HSDL1: variants seen among roughly 807,000 people sequenced by gnomAD.
HSDL1 encodes hydroxysteroid dehydrogenase like 1.
HSDL1 carries 29 observed loss-of-function variants against 31.5 expected under a neutral mutation model. That is an observed-to-expected ratio of 0.92 (90% CI 0.69 to 1.26). The LOEUF (loss-of-function observed/expected upper bound fraction) is 1.26, where lower values mean the gene tolerates loss of function less well. Ranked by LOEUF, HSDL1 falls within the 50% of genes most tolerant of loss-of-function variation. HSDL1 has a pLI of 0.00. For missense variants in HSDL1, 503 were observed against 416.6 expected (o/e 1.21, Z -1.81); for synonymous variants, 222 against 155.2 (o/e 1.43, Z -3.20).
In HSDL1 at chr16:84,141,228, TA is replaced by T. The variant is rs1322777683; in HGVS notation, c.-69+3851del. 1.5e-4 allele frequency among the ~76,000 whole-genome samples: 6 copies of T among 40,226 alleles called. No individual in the cohort carries two copies. In the African/African-American group the frequency reaches 2.1e-3, roughly 14 times the overall value. The allele number at this position is 40,226 out of a possible 152,430, so 26.4% of individuals were successfully genotyped here. A position where few individuals can be genotyped will look rare whatever the true frequency, so the allele number is the denominator to read the frequency against. ...CGAGACTCATCCATGCCCCTGCAGCTATATAGTCCATCCTCCTCGGCAGCTG... is the reference window on the plus strand; with the variant it reads ...CGAGACTCATCCATGCCCCTGCAGCTTATAGTCCATCCTCCTCGGCAGCTG... On this transcript the variant is annotated intron_variant, in intron 1 of 5. Coordinates refer to ENST00000219439, the MANE Select transcript of HSDL1 (RefSeq NM_031463.5).
intron 2 of HSDL1, among the ~76,000 whole-genome samples, chr16:84,135,143 G>C (rs952490694): frequency 6.6e-6 from 1 of 151,888 alleles, no homozygotes; most frequent in Non-Finnish European, 1.5e-5. Flanking sequence ...TGAGGCAGGA[G>C]AATGGCATGA....
intron 5 of HSDL1, among the ~76,000 whole-genome samples, chr16:84,126,449 G>C (rs754494978): frequency 2.0e-5 from 3 of 152,108 alleles, no homozygotes; most frequent in Non-Finnish European, 2.9e-5. Context: ...GGAGGCCCAG[G>C]ATGGTGTTCA....
chr16:84,136,065 C>A (rs117678542), intron 1 of HSDL1, among the ~76,000 whole-genome samples: 5,274 of 152,322 alleles, frequency 0.035, 149 homozygotes, highest in Middle Eastern at 0.075. Context: ...CACACCCCTT[C>A]TTCAGCTCCA....
At chr16:84,128,243 C>A (rs1257622785) in intron 5 of HSDL1, among the ~76,000 whole-genome samples, 1 of 151,206 alleles carries the variant, frequency 6.6e-6, no homozygotes, top group African/African-American at 2.4e-5. Context: ...GAGCCAAGAT[C>A]GCACCATTAC....
rs774260273 is a variant in HSDL1 at position 84,130,066 on chromosome 16, T to G, written c.586A>C (p.Lys196Gln). Residue 196 changes from lysine to glutamine, a missense_variant, in exon 4 of 6, where the codon AAG (lysine) becomes CAG (glutamine). Transcript: ENST00000219439. ...GAGATCGTGACGATGGCACCTTTCT[T>G]TCTCTCCACCATTCCCGGTAACACA... ...HVVLPGMVERKKGAIVTISSG... is the reference protein window; with the variant it reads ...HVVLPGMVERQKGAIVTISSG... 2 of 1,614,168 alleles carry G rather than the reference T, an allele frequency of 1.2e-6. No homozygotes were observed. The highest frequency in any genetic ancestry group is 2.7e-5 in the African/African-American group (2 of 75,038).
rs189336569 is a variant in HSDL1, at chr16:84,125,694, G to A, written c.895-966C>T. On this transcript the variant is annotated intron_variant, in intron 5 of 5. Coordinates refer to ENST00000219439, the MANE Select transcript of HSDL1 (RefSeq NM_031463.5). Reference sequence around the variant, plus strand: ...CTTACCCTAGATTCTACATGGAACAGAAACATGACCACCACCCACCTACCC... The same window carrying A: ...CTTACCCTAGATTCTACATGGAACAAAAACATGACCACCACCCACCTACCC... 7.6e-3 allele frequency among the ~76,000 whole-genome samples: 1,158 copies of A among 152,332 alleles called. 21 individuals carry two copies. The highest frequency in any genetic ancestry group is 7.8e-3 in the Non-Finnish European group (531 of 68,026).
chr16:84,144,072 C>T (rs1443115093), intron 1 of HSDL1, among the ~76,000 whole-genome samples: 8 of 149,012 alleles, frequency 5.4e-5, no homozygotes, highest in Admixed American at 4.7e-4. Context: ...CTCCCTCCCT[C>T]CCTCTCTCTC....
intron 1 of HSDL1, among the ~76,000 whole-genome samples, chr16:84,140,095 C>T (rs1417071532): frequency 6.6e-6 from 1 of 152,092 alleles, no homozygotes; most frequent in East Asian, 1.9e-4. Flanking sequence ...GGCACTGCCC[C>T]CACCTCTGAA....
intron 5 of HSDL1, among the ~76,000 whole-genome samples, chr16:84,125,687 TG>T (rs2086599408): frequency 6.6e-6 from 1 of 152,254 alleles, no homozygotes; most frequent in Admixed American, 6.5e-5. Flanking sequence ...AGATTCTACA[TG>T]GAACAGAAAC....
chr16:84,124,798 A>C (rs2086586758), intron 5 of HSDL1, 70 bp from the exon 6 acceptor site: 2 of 1,012,316 alleles, frequency 2.0e-6, no homozygotes, highest in South Asian at 2.7e-5. Flanking sequence ...AAGTACACAG[A>C]CCAGCACATG....
chr16:84,137,606 C>A (rs573359671), intron 1 of HSDL1, among the ~76,000 whole-genome samples: 2 of 152,214 alleles, frequency 1.3e-5, no homozygotes, highest in African/African-American at 4.8e-5. Flanking sequence ...TGCTCCTCAG[C>A]CTTGCCAGAC....
chr16:84,142,629 G>C (rs924702435), intron 1 of HSDL1, among the ~76,000 whole-genome samples: 8 of 151,462 alleles, frequency 5.3e-5, no homozygotes, highest in African/African-American at 1.9e-4. Context: ...TTTTTTAGTA[G>C]AGACGGGGGT....
At position 84,131,272 on chromosome 16, in the gene HSDL1, G is replaced by C. The variant is rs1597374901; in HGVS notation, c.50C>G (p.Ser17Cys). ...TAGAGCTTCCATATAGCAATTGCAA[G>C]ACCTGGCGATTTCCCTGTACAAGAG... ...FYLLYREIAR[S>C]CNCYMEALAL... Residue 17 changes from serine (S) to cysteine (C), a missense_variant, in exon 3 of 6, where the codon TCT (serine) becomes TGT (cysteine). Coordinates refer to ENST00000219439, the MANE Select transcript of HSDL1 (RefSeq NM_031463.5). 1.2e-6 allele frequency: 2 copies of C among 1,614,154 alleles called. No homozygotes were observed. The highest frequency in any genetic ancestry group is 4.5e-5 in the East Asian group (2 of 44,884).
rs2086661122 is a variant in HSDL1 at position 84,131,210 on chromosome 16, T to C, written c.112A>G (p.Ile38Val). Residue 38 changes from isoleucine (I) to valine (V), a missense_variant, in exon 3 of 6, where the codon ATC becomes GTC. Ile to Val is a conservative substitution (Grantham distance 29, BLOSUM62 3). Coordinates refer to ENST00000219439, the MANE Select transcript of HSDL1 (RefSeq NM_031463.5). ...CTGTAAAAGTCACAGATGACAGTGA[T>C]GCTTTTTCTGGCCGTATACCAGGCT... is the stretch of plus-strand genomic sequence containing the variant. ...VGAWYTARKS[I>V]TVICDFYSLI... 1.2e-6 allele frequency: 2 copies of C among 1,614,138 alleles called. No homozygotes were observed. The highest frequency in any genetic ancestry group is 2.2e-5 in the East Asian group (1 of 44,884).
At chr16:84,133,400 G>A (rs1265270070) in intron 2 of HSDL1, among the ~76,000 whole-genome samples, 1 of 152,200 alleles carries the variant, frequency 6.6e-6, no homozygotes, top group Non-Finnish European at 1.5e-5. Flanking sequence ...TGATATTGCT[G>A]CTATATTAAG....
intron 2 of HSDL1, 116 bp downstream of exon 2, chr16:84,135,428 C>T (rs1400009050): frequency 1.3e-5 from 2 of 151,940 alleles, no homozygotes; most frequent in African/African-American, 2.4e-5. Context: ...TCCTTAAGCC[C>T]GATTTTTTTC....
rs2086573518 is a variant in HSDL1, at chr16:84,123,402, T to A, written c.*1228A>T. The A allele has an allele frequency of 6.6e-6, 1 of 152,226 alleles. No homozygotes were observed. The highest frequency in any genetic ancestry group is 6.5e-5 in the Admixed American group (1 of 15,282). 9.4% of individuals were successfully genotyped at this position (152,226 alleles called of 1,614,324 possible). A position where few individuals can be genotyped will look rare whatever the true frequency, so the allele number is the denominator to read the frequency against. On this transcript the variant is annotated 3_prime_UTR_variant, in exon 6 of 6. Coordinates refer to ENST00000219439, the MANE Select transcript of HSDL1 (RefSeq NM_031463.5). Reference sequence around the variant, plus strand: ...ATATTCATATAGTGACTTAGAGTTTTCAAAGCACTAGGTACATGGTCCTCA... The same window carrying A: ...ATATTCATATAGTGACTTAGAGTTTACAAAGCACTAGGTACATGGTCCTCA...
intron 1 of HSDL1, among the ~76,000 whole-genome samples, chr16:84,141,137 C>T (rs941845895): frequency 8.5e-5 from 13 of 152,102 alleles, no homozygotes; most frequent in Non-Finnish European, 5.9e-5. Flanking sequence ...GGTTTTGAAC[C>T]TCACATAAAG....
intron 1 of HSDL1, chr16:84,139,400 C>T (rs11859182): frequency 0.058 from 8,864 of 152,182 alleles, 850 homozygotes; most frequent in African/African-American, 0.2. Context: ...CTCTGTGCTG[C>T]TGGTTTCGAT....
Sources: allele counts gnomAD v4.1 joint callset (sites outside exome capture counted in the v4.1 genomes callset), GRCh38; gene constraint gnomAD v4.1.1; transcripts MANE v1.5; gene names NCBI Gene and HGNC (gene_info 2026-07-23, HGNC 2026-07-21).